The following ITPKB variants were observed in gnomAD, a reference collection of about 807,000 sequenced individuals.
ITPKB encodes the protein inositol-trisphosphate 3-kinase B.
In ITPKB, 13 loss-of-function variants were observed where a neutral mutation model predicts 69.4. That is an observed-to-expected ratio of 0.19 (90% confidence interval 0.12 to 0.30). ITPKB has a LOEUF of 0.30. ITPKB is among the 10% of genes least tolerant of loss of function. ITPKB has a pLI of 1.00. For missense variants in ITPKB, 1,240 were observed against 1,250.5 expected (o/e 0.99, Z 0.13); for synonymous variants, 584 against 513.7 (o/e 1.14, Z -1.85).
At chr1:226,640,712 G>T (rs1018780573) in intron 5 of ITPKB, among the ~76,000 whole-genome samples, 2 of 152,124 alleles carry the variant, frequency 1.3e-5, no homozygotes, top group Non-Finnish European at 2.9e-5. Context: ...AGGCGGATGG[G>T]TACGGAATTT....
rs183342958 is a variant in ITPKB at position 226,669,676 on chromosome 1, C to G, written c.1933-20905G>C. ...ACCAAAGCAGAAGTCAAATAAACTG[C>G]AGAAAATATTTTACAAAATAAAGTA... On this transcript the variant is annotated intron_variant, in intron 2 of 7. Coordinates refer to ENST00000429204, the MANE Select transcript of ITPKB (RefSeq NM_002221.4). 1.7e-3 allele frequency among the ~76,000 whole-genome samples: 254 copies of G among 152,102 alleles called. 2 individuals carry two copies. Among genetic ancestry groups the G allele is most frequent in the African/African-American group, 6.0e-3 (247 of 41,490 alleles).
At chr1:226,653,350 C>A (rs1281025089) in intron 2 of ITPKB, among the ~76,000 whole-genome samples, 2 of 152,196 alleles carry the variant, frequency 1.3e-5, no homozygotes, top group African/African-American at 4.8e-5. Flanking sequence ...GGACAAGAGG[C>A]AGAAGACTGG....
chr1:226,720,393 C>G (rs1209334514), intron 2 of ITPKB, among the ~76,000 whole-genome samples: 1 of 152,214 alleles, frequency 6.6e-6, no homozygotes, highest in African/African-American at 2.4e-5. Context: ...TCAAAGCCAC[C>G]TTCCTCTGTT....
In ITPKB at chr1:226,738,338, A is replaced by G. The variant is rs2102656845; in HGVS notation, c.-205-675T>C. Among the ~76,000 whole-genome samples, 1 of 152,216 alleles carries G rather than the reference A, an allele frequency of 6.6e-6. No homozygotes were observed. Among genetic ancestry groups the G allele is most frequent in the East Asian group, 1.9e-4 (1 of 5,148 alleles). ...CGCAGCCGAAGCATTTTTCAGGGCT[A>G]GCCTTGTCGCCTATCCCTAGACAAG... On this transcript the variant is annotated intron_variant, in intron 1 of 7. Transcript: ENST00000429204. The surrounding 1 kb of genome is among the most constrained non-coding windows in gnomAD (Gnocchi z 4.2).
At chr1:226,701,624 A>C (rs992779964) in intron 2 of ITPKB, among the ~76,000 whole-genome samples, 12 of 151,126 alleles carry the variant, frequency 7.9e-5, no homozygotes, top group East Asian at 1.9e-4. Flanking sequence ...AAAAAAAAAA[A>C]AAAAAAACTT....
chr1:226,632,412 AC>A lies in ITPKB; in HGVS notation c.*2258del, dbSNP rs1668746298. On this transcript the variant is annotated 3_prime_UTR_variant, in exon 8 of 8. Transcript: ENST00000429204. ...TTCCATTTCACAATCCATCTATCCC[AC>A]TGAGACAAAGGGAAGGGCCAGATGG... is the stretch of plus-strand genomic sequence containing the variant. 6.6e-6 allele frequency: 1 copy of A among 152,240 alleles called. No homozygotes were observed. Among genetic ancestry groups the A allele is most frequent in the South Asian group, 2.1e-4 (1 of 4,836 alleles). The allele number at this position is 152,240 out of a possible 1,614,324, so 9.4% of individuals were successfully genotyped here. A position where few individuals can be genotyped will look rare whatever the true frequency, so the allele number is the denominator to read the frequency against.
chr1:226,722,839 A>G (rs571140078), intron 2 of ITPKB, among the ~76,000 whole-genome samples: 38 of 148,096 alleles, frequency 2.6e-4, no homozygotes, highest in African/African-American at 8.3e-4. Flanking sequence ...CTCTGTACAG[A>G]TGCCTAATGG....
intron 6 of ITPKB, among the ~76,000 whole-genome samples, 192 bp downstream of exon 6, chr1:226,639,365 G>A (rs975906029): frequency 2.0e-5 from 3 of 152,210 alleles, no homozygotes; most frequent in African/African-American, 4.8e-5. Context: ...GCGTGCCTTT[G>A]ACTTTTGAAA....
Position 226,688,871 on chromosome 1 carries a change from A to T in ITPKB, c.1933-40100T>A, listed in dbSNP as rs151264525. 7.7e-3 allele frequency among the ~76,000 whole-genome samples: 1,164 copies of T among 151,956 alleles called. 5 individuals are homozygous for T. Among genetic ancestry groups the T allele is most frequent in the Non-Finnish European group, 0.013 (867 of 67,948 alleles). On this transcript the variant is annotated intron_variant, in intron 2 of 7. Coordinates refer to ENST00000429204, the MANE Select transcript of ITPKB (RefSeq NM_002221.4). ...GAAGGGTCCAGAAAAAATGATTTGGACTCTTTTTGCTCCCATTACCAACCA... is the reference window on the plus strand; with the variant it reads ...GAAGGGTCCAGAAAAAATGATTTGGTCTCTTTTTGCTCCCATTACCAACCA...
chr1:226,733,554 A>T (rs1476131210), intron 2 of ITPKB, among the ~76,000 whole-genome samples: 2 of 151,890 alleles, frequency 1.3e-5, no homozygotes, highest in Non-Finnish European at 2.9e-5. Context: ...CCAGTTGGTT[A>T]CCCACCCTTA....
In ITPKB at chr1:226,681,487, T is replaced by C. The variant is rs555223086; in HGVS notation, c.1933-32716A>G. On this transcript the variant is annotated intron_variant, in intron 2 of 7. Coordinates refer to ENST00000429204, the MANE Select transcript of ITPKB (RefSeq NM_002221.4). ...CTGGCAAGGGCACAGAGTTGGTAAG[T>C]GCAGAAAATTTGATAAATCCAGAGC... Among the ~76,000 whole-genome samples, 10 of 152,330 alleles carry C rather than the reference T, an allele frequency of 6.6e-5. No homozygotes were observed. In the South Asian group the frequency reaches 2.1e-3, roughly 32 times the overall value.
At chr1:226,727,338 A>G (rs1021576336) in intron 2 of ITPKB, among the ~76,000 whole-genome samples, 2 of 152,224 alleles carry the variant, frequency 1.3e-5, no homozygotes, top group African/African-American at 4.8e-5. Flanking sequence ...GAGCCCGGAA[A>G]GAATGTCAGT....
At chr1:226,700,123 G>A (rs1044741286) in intron 2 of ITPKB, among the ~76,000 whole-genome samples, 12 of 152,106 alleles carry the variant, frequency 7.9e-5, no homozygotes, top group African/African-American at 2.7e-4. Context: ...CCAGTGCACT[G>A]ACTCAAATGC....
At chr1:226,694,959 G>A (rs1070361) in intron 2 of ITPKB, among the ~76,000 whole-genome samples, 19,215 of 152,256 alleles carry the variant, frequency 0.13, 1,313 homozygotes, top group East Asian at 0.16. Context: ...ATTGGGCACC[G>A]TGGCTCACGC....
rs756747083 is a variant in ITPKB, at chr1:226,736,879, C to T, written c.580G>A (p.Gly194Ser). Residue 194 changes from glycine (G) to serine (S), a missense_variant, in exon 2 of 8, where the codon GGC becomes AGC. Coordinates refer to ENST00000429204, the MANE Select transcript of ITPKB (RefSeq NM_002221.4). Reference sequence around the variant, plus strand: ...GTCCTCCGTTCCTCGCTCCGGGCGCCCTGAACCAGGACCCTTCCAGGGGGC... The same window carrying T: ...GTCCTCCGTTCCTCGCTCCGGGCGCTCTGAACCAGGACCCTTCCAGGGGGC... Reference protein sequence around the residue: ...SQPPGRVLVQGARSEERRTKS... With the variant: ...SQPPGRVLVQSARSEERRTKS... 1.2e-6 allele frequency: 2 copies of T among 1,610,846 alleles called. No individual in the cohort carries two copies. The highest frequency in any genetic ancestry group is 1.1e-5 in the South Asian group (1 of 91,090).
intron 2 of ITPKB, among the ~76,000 whole-genome samples, chr1:226,734,930 C>G (rs2102652746): frequency 6.6e-6 from 1 of 152,368 alleles, no homozygotes; most frequent in South Asian, 2.1e-4. Flanking sequence ...CTTGGTTACA[C>G]TGACCACACA....
chr1:226,693,835 C>G (rs1483898838), intron 2 of ITPKB, among the ~76,000 whole-genome samples: 2 of 152,196 alleles, frequency 1.3e-5, no homozygotes, highest in Non-Finnish European at 2.9e-5. Flanking sequence ...TCAAAAAGCT[C>G]CACATCAACA....
At chr1:226,670,584 A>G (rs1471827025) in intron 2 of ITPKB, among the ~76,000 whole-genome samples, 6 of 152,244 alleles carry the variant, frequency 3.9e-5, no homozygotes, top group Admixed American at 6.5e-5. Context: ...AAATGTTGCT[A>G]TAAGATTAAG....
At position 226,653,851 on chromosome 1, in the gene ITPKB, G is replaced by A. The variant is rs1397181767; in HGVS notation, c.1933-5080C>T. Among the ~76,000 whole-genome samples the A allele has an allele frequency of 4.6e-5, 7 of 152,210 alleles. No individual in the cohort carries two copies. The East Asian group carries it at 1.2e-3, about 25-fold the overall frequency. ...AACCAGCTGGGGAACTCCCTAGGTG[G>A]CTGCACTCCTGGTTACAAGAGCACT... is the stretch of plus-strand genomic sequence containing the variant. On this transcript the variant is annotated intron_variant, in intron 2 of 7. Transcript: ENST00000429204.
Sources: gnomAD v4.1 joint callset for allele counts (sites outside exome capture counted in the v4.1 genomes callset) on GRCh38, gnomAD v4.1.1 for gene constraint, Gnocchi (gnomAD v3.1) non-coding constraint, MANE v1.5 for transcripts, NCBI Gene and HGNC (gene_info 2026-07-23, HGNC 2026-07-21) for gene names.